PLEKHA5: variants seen among roughly 807,000 people sequenced by gnomAD.
The protein encoded by PLEKHA5 is pleckstrin homology domain containing A5.
PLEKHA5 carries 55 observed loss-of-function variants against 181.9 expected under a neutral mutation model. The ratio of observed to expected loss-of-function variants is 0.30; its 90% CI spans 0.24 to 0.38. PLEKHA5 has a LOEUF of 0.38. PLEKHA5 is among the 10% of genes least tolerant of loss of function. PLEKHA5 has a pLI of 1.00. For missense variants in PLEKHA5, 1,432 were observed against 1,549.5 expected (o/e 0.92, Z 1.27); for synonymous variants, 535 against 529.4 (o/e 1.01, Z -0.15).
intron 10 of PLEKHA5, among the ~76,000 whole-genome samples, chr12:19,273,146 T>TG: frequency 6.6e-6 from 1 of 152,002 alleles, no homozygotes; most frequent in East Asian, 1.9e-4. Flanking sequence ...TGATCTTAGG[T>TG]GATCCACCCA....
intron 3 of PLEKHA5, among the ~76,000 whole-genome samples, chr12:19,178,990 T>C (rs1402032010): frequency 1.3e-5 from 2 of 152,204 alleles, no homozygotes. Context: ...GTGCTTAGGG[T>C]AAAGGAGGAG....
chr12:19,191,460 T>G lies in PLEKHA5; in HGVS notation c.227+59010T>G, dbSNP rs114935610. 3.7e-3 allele frequency among the ~76,000 whole-genome samples: 561 copies of G among 152,322 alleles called. 2 individuals are homozygous for G. The highest frequency in any genetic ancestry group is 0.012 in the African/African-American group (511 of 41,588). On this transcript the variant is annotated intron_variant, in intron 3 of 31. Transcript: ENST00000429027. ...ATCACTACCATGCGGCCTAATTGGTTGTTGTTGTTGTCAGTCTTGTCCCCT... is the reference window on the plus strand; with the variant it reads ...ATCACTACCATGCGGCCTAATTGGTGGTTGTTGTTGTCAGTCTTGTCCCCT...
intron 3 of PLEKHA5, among the ~76,000 whole-genome samples, chr12:19,252,027 T>G (rs531717502): frequency 6.6e-6 from 1 of 152,178 alleles, no homozygotes; most frequent in East Asian, 1.9e-4. Context: ...TCTATGTGCT[T>G]CTTAGACTAC....
intron 15 of PLEKHA5, among the ~76,000 whole-genome samples, chr12:19,311,753 C>T (rs532173159): frequency 6.6e-6 from 1 of 152,108 alleles, no homozygotes; most frequent in African/African-American, 2.4e-5. Context: ...ACCCCTCAAC[C>T]TCATTCATGA....
At chr12:19,367,657 G>GCAAGCTCCGCCTCCTGGGTTCATGC (rs2095468458) in intron 30 of PLEKHA5, among the ~76,000 whole-genome samples, 1 of 151,856 alleles carries the variant, frequency 6.6e-6, no homozygotes, top group Non-Finnish European at 1.5e-5. Flanking sequence ...TCCACTCACT[G>GCAAGCTCCGCCTCCTGGGTTCATGC]CAAGCTCCGC....
At chr12:19,334,497 A>G (rs533161081) in intron 20 of PLEKHA5, among the ~76,000 whole-genome samples, 1 of 152,148 alleles carries the variant, frequency 6.6e-6, no homozygotes, top group Admixed American at 6.6e-5. Flanking sequence ...GCATTTCCAC[A>G]AGGGAGCTTA....
At chr12:19,194,629 C>A (rs2052180075) in intron 3 of PLEKHA5, among the ~76,000 whole-genome samples, 1 of 152,128 alleles carries the variant, frequency 6.6e-6, no homozygotes, top group African/African-American at 2.4e-5. Context: ...CCTTTTACCT[C>A]TCTACTGCAG....
At chr12:19,307,072 T>G in intron 15 of PLEKHA5, 6 of 1,278,468 alleles carry the variant, frequency 4.7e-6, no homozygotes, top group Non-Finnish European at 6.8e-6. Context: ...CTCAATCTGT[T>G]GCCACAGATA....
At chr12:19,167,671 A>T (rs185014111) in intron 3 of PLEKHA5, among the ~76,000 whole-genome samples, 67 of 152,176 alleles carry the variant, frequency 4.4e-4, no homozygotes, top group African/African-American at 1.6e-3. Context: ...TCTTGTTGTG[A>T]GTGAACATAG....
chr12:19,308,289 T>C (rs374812568), intron 15 of PLEKHA5, among the ~76,000 whole-genome samples: 16 of 152,286 alleles, frequency 1.1e-4, no homozygotes, highest in African/African-American at 3.9e-4. Flanking sequence ...TCAGTGTCAT[T>C]GCTTTGTGTG....
chr12:19,147,261 C>T (rs1055843062), intron 3 of PLEKHA5: 11 of 152,128 alleles, frequency 7.2e-5, no homozygotes, highest in African/African-American at 2.7e-4. Context: ...ATACGTATTT[C>T]TTTTTTCTAT....
chr12:19,190,148 A>G lies in PLEKHA5; in HGVS notation c.227+57698A>G, dbSNP rs113414131. On this transcript the variant is annotated intron_variant, in intron 3 of 31. Coordinates refer to ENST00000429027, the MANE Select transcript of PLEKHA5 (RefSeq NM_001256470.2). ...CTTCACCTTTTGAAAGAAAAAACCC[A>G]ATCTTGAAATCCTCCTTTATCTTGT... Among the ~76,000 whole-genome samples the G allele has an allele frequency of 5.9e-3, 892 of 152,326 alleles. 9 individuals are homozygous for G. The highest frequency in any genetic ancestry group is 0.021 in the African/African-American group (861 of 41,558).
intron 31 of PLEKHA5, chr12:19,371,010 T>G: frequency 6.6e-6 from 1 of 151,758 alleles, no homozygotes; most frequent in South Asian, 2.1e-4. Flanking sequence ...CTCTCCTTTT[T>G]TTTTTTTTTT....
intron 3 of PLEKHA5, among the ~76,000 whole-genome samples, chr12:19,249,804 CT>C (rs2064781473): frequency 6.6e-6 from 1 of 152,194 alleles, no homozygotes; most frequent in African/African-American, 2.4e-5. Context: ...ATTTCAGAAA[CT>C]GTGCTCTCAA....
chr12:19,335,485 G>A (rs1274416388), intron 20 of PLEKHA5, among the ~76,000 whole-genome samples: 2 of 149,528 alleles, frequency 1.3e-5, no homozygotes, highest in Admixed American at 1.3e-4. Context: ...GTGCAATCTC[G>A]GCTCACTGCA....
chr12:19,346,436 T>A (rs2153196421), intron 23 of PLEKHA5, among the ~76,000 whole-genome samples: 1 of 152,158 alleles, frequency 6.6e-6, no homozygotes, highest in South Asian at 2.1e-4. Flanking sequence ...GCCCAGGAGT[T>A]TGAGACCAGC....
chr12:19,315,018 T>A lies in PLEKHA5; in HGVS notation c.2118+124T>A, dbSNP rs2088039425. 9.2e-6 allele frequency: 6 copies of A among 651,044 alleles called. No homozygotes were observed. The Admixed American group carries it at 1.4e-4, about 16-fold the overall frequency. The allele number at this position is 651,044 out of a possible 1,614,324, so 40.3% of individuals were successfully genotyped here. On this transcript the variant is annotated intron_variant, in intron 16 of 31. Coordinates refer to ENST00000429027, the MANE Select transcript of PLEKHA5 (RefSeq NM_001256470.2). ...TTTCTTATTTTATTTTTTGTTTATG[T>A]TTATTTGGAAAACCACAATTCATCC...
At chr12:19,161,816 A>G (rs1406552585) in intron 3 of PLEKHA5, among the ~76,000 whole-genome samples, 2 of 152,162 alleles carry the variant, frequency 1.3e-5, no homozygotes, top group South Asian at 2.1e-4. Flanking sequence ...AAAGAAGAGG[A>G]TTTACTATAA....
chr12:19,171,557 C>A (rs1331243410), intron 3 of PLEKHA5, among the ~76,000 whole-genome samples: 2 of 152,090 alleles, frequency 1.3e-5, no homozygotes, highest in Non-Finnish European at 2.9e-5. Flanking sequence ...AGGGATTTTA[C>A]CATGTTGGCC....
Sources: gnomAD v4.1 joint callset for allele counts (sites outside exome capture counted in the v4.1 genomes callset) on GRCh38, gnomAD v4.1.1 for gene constraint, MANE v1.5 for transcripts, NCBI Gene and HGNC (gene_info 2026-07-23, HGNC 2026-07-21) for gene names.